Variants in GRID2 observed in about 807,000 individuals in gnomAD.
GRID2 encodes the protein glutamate ionotropic receptor delta type subunit 2.
A neutral mutation model predicts 114.8 loss-of-function variants in GRID2; 33 were observed. The ratio of observed to expected loss-of-function variants is 0.29; its 90% CI spans 0.22 to 0.38. The LOEUF (loss-of-function observed/expected upper bound fraction) is 0.38, where lower values mean the gene tolerates loss of function less well. Among genes scored for constraint, GRID2 ranks in the 10% least tolerant of loss-of-function variants. The pLI is 1.00. For synonymous variants in GRID2, 505 were observed against 449.9 expected, an observed-to-expected ratio of 1.12 and a Z score of -1.55; for missense variants, 1,184 against 1,257.7, an observed-to-expected ratio of 0.94 and a Z score of 0.89.
At chr4:93,053,035 C>G (rs186002915) in intron 2 of GRID2, among the ~76,000 whole-genome samples, 33 of 151,964 alleles carry the variant, frequency 2.2e-4, no homozygotes, top group Non-Finnish European at 4.4e-5. Context: ...CAGGTACCAT[C>G]GGTGGAAGAA....
chr4:93,556,979 T>A (rs1734383359), intron 13 of GRID2, among the ~76,000 whole-genome samples: 1 of 152,170 alleles, frequency 6.6e-6, no homozygotes, highest in African/African-American at 2.4e-5. Flanking sequence ...GAACTTCATA[T>A]CCAGCCAAAC....
At chr4:92,989,536 T>A (rs1754736978) in intron 2 of GRID2, among the ~76,000 whole-genome samples, 1 of 151,766 alleles carries the variant, frequency 6.6e-6, no homozygotes, top group Non-Finnish European at 1.5e-5. Flanking sequence ...AAAAAAAAGG[T>A]ACGATAGGTT....
chr4:93,740,148 C>T (rs1251573268), intron 14 of GRID2, among the ~76,000 whole-genome samples: 3 of 152,098 alleles, frequency 2.0e-5, no homozygotes, highest in Non-Finnish European at 4.4e-5. Context: ...CAAATAATTG[C>T]CTAGAGTATT....
intron 2 of GRID2, among the ~76,000 whole-genome samples, chr4:92,910,194 G>A (rs543377444): frequency 5.7e-4 from 86 of 151,694 alleles, no homozygotes; most frequent in Non-Finnish European, 9.7e-4. Context: ...CCCTATAGGA[G>A]TGGTTTGAAA....
chr4:93,361,836 T>G (rs979344196), intron 8 of GRID2, among the ~76,000 whole-genome samples: 1 of 152,026 alleles, frequency 6.6e-6, no homozygotes, highest in African/African-American at 2.4e-5. Flanking sequence ...TTTTTTTAGA[T>G]TATATTTTAT....
exon 2 of GRID2, chr4:93,808,811 G>A (rs544349642): frequency 2.0e-5 from 3 of 152,244 alleles, no homozygotes; most frequent in African/African-American, 4.8e-5. Flanking sequence ...TGGCTGCCAG[G>A]GGAGTCACCA....
At chr4:93,188,861 G>T (rs1403746060) in intron 4 of GRID2, among the ~76,000 whole-genome samples, 1 of 152,066 alleles carries the variant, frequency 6.6e-6, no homozygotes, top group African/African-American at 2.4e-5. Flanking sequence ...TTAATAACAA[G>T]AATCACCTTT....
chr4:92,680,614 A>G (rs1733605454), intron 2 of GRID2, among the ~76,000 whole-genome samples: 1 of 152,198 alleles, frequency 6.6e-6, no homozygotes, highest in Non-Finnish European at 1.5e-5. Flanking sequence ...GTAGATGAAC[A>G]GCATAAAGAA....
At chr4:93,288,110 G>T (rs563444225) in intron 8 of GRID2, among the ~76,000 whole-genome samples, 135 of 152,102 alleles carry the variant, frequency 8.9e-4, no homozygotes, top group South Asian at 8.3e-3. Flanking sequence ...ATATAGATTT[G>T]CTGTCTTTTC....
intron 9 of GRID2, among the ~76,000 whole-genome samples, chr4:93,422,296 G>A (rs1208514990): frequency 6.6e-6 from 1 of 151,994 alleles, no homozygotes; most frequent in African/African-American, 2.4e-5. Context: ...CAGTAAATGC[G>A]ATATTATTAA....
chr4:93,118,587 T>G (rs1222713026), intron 4 of GRID2, among the ~76,000 whole-genome samples: 1 of 152,190 alleles, frequency 6.6e-6, no homozygotes, highest in Non-Finnish European at 1.5e-5. Context: ...CCTCTGCAGA[T>G]TGTAGAGGAC....
At chr4:93,458,088 C>T (rs1033664739) in intron 11 of GRID2, among the ~76,000 whole-genome samples, 9 of 152,010 alleles carry the variant, frequency 5.9e-5, no homozygotes, top group Non-Finnish European at 1.3e-4. Context: ...CCATACAAAG[C>T]CTAGGACAGA....
chr4:93,136,492 C>G (rs1431004989), intron 4 of GRID2, among the ~76,000 whole-genome samples: 1 of 152,024 alleles, frequency 6.6e-6, no homozygotes, highest in Non-Finnish European at 1.5e-5. Context: ...AAATGTCATA[C>G]TGCCACATTC....
At chr4:93,156,739 A>C (rs1333187796) in intron 4 of GRID2, among the ~76,000 whole-genome samples, 3 of 151,802 alleles carry the variant, frequency 2.0e-5, no homozygotes, top group Non-Finnish European at 2.9e-5. Flanking sequence ...GGAGGGATCC[A>C]GTAGACAGTT....
intron 2 of GRID2, among the ~76,000 whole-genome samples, chr4:92,863,625 G>A (rs531376922): frequency 9.2e-5 from 14 of 152,186 alleles, no homozygotes; most frequent in Non-Finnish European, 1.5e-4. Context: ...TGTAGTATTA[G>A]TGTGTATCTT....
chr4:93,127,848 T>C (rs1303141857), intron 4 of GRID2, among the ~76,000 whole-genome samples: 1 of 151,366 alleles, frequency 6.6e-6, no homozygotes, highest in African/African-American at 2.4e-5. Flanking sequence ...AGACCCTATC[T>C]CTACAAAAAA....
intron 4 of GRID2, among the ~76,000 whole-genome samples, chr4:93,205,128 A>G (rs1048209998): frequency 3.9e-5 from 6 of 152,106 alleles, no homozygotes; most frequent in Non-Finnish European, 7.4e-5. Flanking sequence ...TATTGTTAAT[A>G]AATTTTTCAT....
At chr4:93,532,800 T>G (rs966368441) in intron 13 of GRID2, among the ~76,000 whole-genome samples, 2 of 152,148 alleles carry the variant, frequency 1.3e-5, no homozygotes, top group Non-Finnish European at 2.9e-5. Flanking sequence ...AATCTAGCTG[T>G]TTTTTAGAAA....
chr4:93,499,673 C>G (rs575028955), intron 12 of GRID2, among the ~76,000 whole-genome samples: 30 of 151,974 alleles, frequency 2.0e-4, no homozygotes, highest in African/African-American at 7.0e-4. Flanking sequence ...TCTTCAAAAG[C>G]AAAGACTATG....
Sources: allele counts gnomAD v4.1 joint callset (sites outside exome capture counted in the v4.1 genomes callset), GRCh38; gene constraint gnomAD v4.1.1; transcripts MANE v1.5; gene names NCBI Gene and HGNC (gene_info 2026-07-23, HGNC 2026-07-21).